The following RBFOX1 variants were observed in gnomAD, a reference collection of about 807,000 sequenced individuals.
RBFOX1 encodes the protein RNA binding fox-1 homolog 1, also known as RNA binding protein fox-1 homolog 1.
RBFOX1 carries 8 observed loss-of-function variants against 57.7 expected under a neutral mutation model. The ratio of observed to expected loss-of-function variants is 0.14; its 90% CI spans 0.08 to 0.25. RBFOX1 has a LOEUF of 0.25. Among genes scored for constraint, RBFOX1 ranks in the 10% least tolerant of loss-of-function variants. The pLI is 1.00. For synonymous variants in RBFOX1, 326 were observed against 222.4 expected (o/e 1.47, Z -4.15); for missense variants, 611 against 548.5 (o/e 1.11, Z -1.14).
chr16:6,935,318 A>T (rs896777936), intron 3 of RBFOX1, among the ~76,000 whole-genome samples: 7 of 152,120 alleles, frequency 4.6e-5, no homozygotes, highest in African/African-American at 1.7e-4. Context: ...CAAGTCTTTG[A>T]TAGTTTCCCT....
chr16:6,017,018 A>G (rs1209885345), upstream of RBFOX1, among the ~76,000 whole-genome samples: 1 of 152,190 alleles, frequency 6.6e-6, no homozygotes, highest in Non-Finnish European at 1.5e-5. Context: ...AATCTATCTA[A>G]GCCTATTTCT....
chr16:6,336,515 C>G (rs1463135193), intron 2 of RBFOX1, among the ~76,000 whole-genome samples: 1 of 152,042 alleles, frequency 6.6e-6, no homozygotes, highest in East Asian at 1.9e-4. Flanking sequence ...GAGCTGATAT[C>G]TCATGATGTG....
chr16:6,686,207 A>G (rs2059416384), intron 3 of RBFOX1, among the ~76,000 whole-genome samples: 1 of 152,214 alleles, frequency 6.6e-6, no homozygotes, highest in East Asian at 1.9e-4. Context: ...TCCACGGTTC[A>G]GATGTTCTTA....
rs373930517 is a variant in RBFOX1 at position 6,245,411 on chromosome 16, G to T, written c.-126-71584G>T. Reference sequence around the variant, plus strand: ...CCATGTATCTGCACCAATAATTCCAGTTTTCATTTATCTATTCATTCACTT... The same window carrying T: ...CCATGTATCTGCACCAATAATTCCATTTTTCATTTATCTATTCATTCACTT... On this transcript the variant is annotated intron_variant, in intron 1 of 15. Coordinates refer to ENST00000550418, the MANE Select transcript of RBFOX1 (RefSeq NM_018723.4). Among the ~76,000 whole-genome samples, 183 of 152,158 alleles carry T rather than the reference G, an allele frequency of 1.2e-3. 2 individuals carry two copies. Among genetic ancestry groups the T allele is most frequent in the Middle Eastern group, 3.4e-3 (1 of 294 alleles).
chr16:7,347,454 G>A (rs981673973), intron 4 of RBFOX1, among the ~76,000 whole-genome samples: 8 of 152,142 alleles, frequency 5.3e-5, no homozygotes, highest in South Asian at 2.1e-4. Context: ...GGAAAGACCC[G>A]CCCCCCAAAT....
chr16:7,668,034 G>T (rs1343311642), intron 13 of RBFOX1, among the ~76,000 whole-genome samples: 1 of 152,092 alleles, frequency 6.6e-6, no homozygotes, highest in Non-Finnish European at 1.5e-5. Context: ...CACTGCTAAG[G>T]AAGACAAAGG....
At chr16:6,980,828 A>C (rs1034277064) in intron 3 of RBFOX1, among the ~76,000 whole-genome samples, 2 of 152,234 alleles carry the variant, frequency 1.3e-5, no homozygotes, top group South Asian at 2.1e-4. Context: ...GGATCACTTC[A>C]GGTCAGGAGT....
intron 4 of RBFOX1, among the ~76,000 whole-genome samples, chr16:5,943,379 G>A (rs2059321488): frequency 6.6e-6 from 1 of 152,104 alleles, no homozygotes; most frequent in African/African-American, 2.4e-5. Context: ...AGCCTTGTAG[G>A]GTTTCCCTGG....
chr16:7,325,983 C>A (rs1167030224), intron 4 of RBFOX1, among the ~76,000 whole-genome samples: 1 of 152,248 alleles, frequency 6.6e-6, no homozygotes, highest in African/African-American at 2.4e-5. Context: ...ACCCTAGTGT[C>A]ATCATTCTTG....
At chr16:6,358,395 C>A (rs370564380) in intron 2 of RBFOX1, among the ~76,000 whole-genome samples, 1 of 152,156 alleles carries the variant, frequency 6.6e-6, no homozygotes, top group Non-Finnish European at 1.5e-5. Context: ...ATTGTCAGGC[C>A]TTGTCTCATC....
intron 4 of RBFOX1, among the ~76,000 whole-genome samples, chr16:6,004,829 C>T (rs1378650402): frequency 1.3e-5 from 2 of 152,084 alleles, no homozygotes; most frequent in African/African-American, 2.4e-5. Context: ...TTTGAATGTC[C>T]TTTCTGAGAA....
At chr16:6,592,440 G>T (rs2097724489) in intron 2 of RBFOX1, among the ~76,000 whole-genome samples, 1 of 152,212 alleles carries the variant, frequency 6.6e-6, no homozygotes, top group Non-Finnish European at 1.5e-5. Flanking sequence ...ATGGGAGGGT[G>T]CATTTTACAT....
intron 4 of RBFOX1, among the ~76,000 whole-genome samples, chr16:7,092,177 T>G (rs551644738): frequency 6.6e-6 from 1 of 152,352 alleles, no homozygotes; most frequent in Admixed American, 6.5e-5. Context: ...TAGCATTGAT[T>G]ACAAAGTTAC....
At chr16:5,877,612 A>C (rs1414687445) in intron 4 of RBFOX1, among the ~76,000 whole-genome samples, 1 of 152,254 alleles carries the variant, frequency 6.6e-6, no homozygotes, top group Non-Finnish European at 1.5e-5. Flanking sequence ...GGTGTTAAAC[A>C]GCAGCTTTTA....
intron 4 of RBFOX1, among the ~76,000 whole-genome samples, chr16:7,338,619 C>G (rs970979362): frequency 6.6e-6 from 1 of 152,142 alleles, no homozygotes; most frequent in Non-Finnish European, 1.5e-5. Flanking sequence ...TCTCAAACTC[C>G]TGGTCTCAGA....
intron 3 of RBFOX1, among the ~76,000 whole-genome samples, chr16:6,857,877 C>A (rs966846462): frequency 6.6e-6 from 1 of 152,166 alleles, no homozygotes; most frequent in South Asian, 2.1e-4. Flanking sequence ...AGCAACCTGT[C>A]AAATCCTGAG....
At chr16:7,567,993 A>T (rs995152571) in intron 5 of RBFOX1, among the ~76,000 whole-genome samples, 10 of 151,990 alleles carry the variant, frequency 6.6e-5, no homozygotes, top group African/African-American at 2.4e-4. Flanking sequence ...TGCCAAATTT[A>T]TTTCATTTAA....
At chr16:7,545,471 C>T (rs543320445) in intron 5 of RBFOX1, among the ~76,000 whole-genome samples, 48 of 152,218 alleles carry the variant, frequency 3.2e-4, no homozygotes, top group African/African-American at 1.1e-3. Flanking sequence ...AAACCCCAGC[C>T]CTGGCACCCC....
At chr16:7,660,730 C>G (rs2067509087) in intron 12 of RBFOX1, among the ~76,000 whole-genome samples, 1 of 152,218 alleles carries the variant, frequency 6.6e-6, no homozygotes, top group Non-Finnish European at 1.5e-5. Context: ...AATGTAAGCT[C>G]TTAGATGCTG....
Sources: allele counts gnomAD v4.1 joint callset (sites outside exome capture counted in the v4.1 genomes callset), GRCh38; gene constraint gnomAD v4.1.1; transcripts MANE v1.5; gene names NCBI Gene and HGNC (gene_info 2026-07-23, HGNC 2026-07-21).